Variants in HSF2 observed in about 807,000 individuals in gnomAD.
HSF2 encodes heat shock factor protein 2.
A neutral mutation model predicts 65.0 loss-of-function variants in HSF2; 21 were observed. The observed-to-expected ratio is 0.32, with a 90% confidence interval of 0.23 to 0.47. The LOEUF (loss-of-function observed/expected upper bound fraction) is 0.47, where lower values mean the gene tolerates loss of function less well. HSF2 is among the 20% of genes least tolerant of loss of function. HSF2 has a pLI of 1.00. For missense variants in HSF2, 499 were observed against 628.1 expected (o/e 0.79, Z 2.20); for synonymous variants, 225 against 219.1 (o/e 1.03, Z -0.24).
chr6:122,403,939 C>T lies in HSF2; in HGVS notation c.93+4109C>T, dbSNP rs942676494. 7.9e-5 allele frequency among the ~76,000 whole-genome samples: 12 copies of T among 152,118 alleles called. No homozygotes were observed. In the East Asian group the frequency reaches 1.2e-3, roughly 15 times the overall value. ...GTTATATAGTAAAAAACAGCCTTTA[C>T]GAGTTAATGAAATGTTACAACCAAC... On this transcript the variant is annotated intron_variant, in intron 1 of 12. Transcript: ENST00000368455.
chr6:122,403,704 AT>A (rs563217852), intron 1 of HSF2, among the ~76,000 whole-genome samples: 10 of 152,020 alleles, frequency 6.6e-5, no homozygotes, highest in African/African-American at 1.9e-4. Flanking sequence ...AAAAGTTTTC[AT>A]TTTTTTTAAC....
At chr6:122,399,646 G>C (rs1407286707), upstream of HSF2, 2 of 1,041,586 alleles carry the variant, frequency 1.9e-6, no homozygotes, top group Non-Finnish European at 2.9e-6. Flanking sequence ...CGCCTGCGTT[G>C]TGGGCGTTCT....
chr6:122,399,708 A>C lies in HSF2; in HGVS notation c.-30A>C, dbSNP rs991842757. The C allele has an allele frequency of 1.3e-6, 2 of 1,591,132 alleles. No homozygotes were observed. The highest frequency in any genetic ancestry group is 1.7e-6 in the Non-Finnish European group (2 of 1,163,702). ...CGCCGCTACCACCGCGTTCGGGTGT[A>C]GAATTTGGAATCCCTGCGCCGCGTT... On this transcript the variant is annotated 5_prime_UTR_variant, in exon 1 of 13. Transcript: ENST00000368455.
At chr6:122,429,018 G>C (rs80303143) in intron 11 of HSF2, among the ~76,000 whole-genome samples, 142 of 152,180 alleles carry the variant, frequency 9.3e-4, no homozygotes, top group Admixed American at 1.2e-3. Context: ...TTCTGCAATT[G>C]TAATGTGAAA....
chr6:122,419,419 T>C (rs1008627439), intron 6 of HSF2, among the ~76,000 whole-genome samples, 190 bp downstream of exon 6: 7 of 152,196 alleles, frequency 4.6e-5, no homozygotes, highest in Admixed American at 1.3e-4. Flanking sequence ...TGCTGATGTT[T>C]GTGAGAGATA....
intron 11 of HSF2, 86 bp from the exon 12 acceptor site, chr6:122,431,344 G>A (rs1774461333): frequency 1.9e-6 from 1 of 531,400 alleles, no homozygotes; most frequent in Admixed American, 3.9e-5. Context: ...TAATATACCA[G>A]TATTTACATA....
chr6:122,431,560 T>C, intron 12 of HSF2, 46 bp downstream of exon 12: 1 of 1,109,424 alleles, frequency 9.0e-7, no homozygotes, highest in Non-Finnish European at 1.3e-6. Flanking sequence ...TTTTTAATCC[T>C]ATGCAGAAAC....
At position 122,412,676 on chromosome 6, in the gene HSF2, T is replaced by C; in HGVS notation, c.242T>C (p.Val81Ala). The C allele has an allele frequency of 6.2e-7, 1 of 1,612,588 alleles. No homozygotes were observed. ...RKVVHIDSGI[V>A]KQERDGPVEF... The stretch of plus-strand genomic sequence containing the variant: ...GTAGTACATATCGACTCTGGAATTG[T>C]AAAGCAAGAAAGAGATGGTCCTGTA... Residue 81 changes from valine to alanine, a missense_variant, in exon 3 of 13, where the codon GTA becomes GCA. By Grantham distance (64) the Val-to-Ala change is moderately conservative. This residue lies in a region of HSF2 where 150 missense variants were observed against 234.6 expected (regional missense o/e 0.64). Transcript: ENST00000368455.
At position 122,399,677 on chromosome 6, in the gene HSF2, TGCC is replaced by T; in HGVS notation, c.-52_-50del. ...GTTCTCGGGGAGCTGCTGCCGTAGC[TGCC>T]GCCGCCGCTACCACCGCGTTCGGGT... On this transcript the variant is annotated 5_prime_UTR_variant, in exon 1 of 13. Coordinates refer to ENST00000368455, the MANE Select transcript of HSF2 (RefSeq NM_004506.4). 18 of 1,426,470 alleles carry T rather than the reference TGCC, an allele frequency of 1.3e-5. No homozygotes were observed. Among genetic ancestry groups the T allele is most frequent in the Middle Eastern group, 1.8e-4 (1 of 5,636 alleles). 88.4% of individuals were successfully genotyped at this position (1,426,470 alleles called of 1,614,324 possible).
intron 1 of HSF2, among the ~76,000 whole-genome samples, chr6:122,411,476 T>C (rs906999440): frequency 2.0e-5 from 3 of 151,978 alleles, no homozygotes; most frequent in African/African-American, 4.8e-5. Flanking sequence ...ATTTTTGCTT[T>C]TGTTGCCTGT....
intron 1 of HSF2, 64 bp from the exon 2 acceptor site, chr6:122,412,309 T>TA (rs1774016287): frequency 9.6e-6 from 9 of 932,658 alleles, no homozygotes; most frequent in Non-Finnish European, 1.6e-5. Flanking sequence ...GATGTATAAA[T>TA]ATATCACCAT....
chr6:122,422,932 A>T lies in HSF2; in HGVS notation c.1045A>T (p.Asn349Tyr). Residue 349 changes from asparagine (N) to tyrosine (Y), a missense_variant, in exon 9 of 13, where the codon AAT becomes TAT. By Grantham distance (143) the Asn-to-Tyr change is moderately radical (BLOSUM62 -2). Transcript: ENST00000368455. ...DPVTMMDSIL[N>Y]DNINLLGKVE... ...AGTGACCATGATGGATTCCATTTTG[A>T]ATGATAACATCAATCTTTTGGGAAA... 6.2e-7 allele frequency: 1 copy of T among 1,613,534 alleles called. No individual in the cohort carries two copies.
chr6:122,412,513 A>G (rs768195882), intron 2 of HSF2, 32 bp downstream of exon 2: 2 of 1,535,736 alleles, frequency 1.3e-6, no homozygotes, highest in East Asian at 2.3e-5. Flanking sequence ...TTGGAGTACC[A>G]TTATCAGCTA....
intron 5 of HSF2, 46 bp downstream of exon 5, chr6:122,416,342 G>A: frequency 1.5e-6 from 2 of 1,327,802 alleles, no homozygotes; most frequent in East Asian, 4.6e-5. Context: ...TTTGTTTAAT[G>A]AGTACTGTTT....
At chr6:122,414,296 C>G (rs1774073387) in intron 4 of HSF2, among the ~76,000 whole-genome samples, 1 of 152,098 alleles carries the variant, frequency 6.6e-6, no homozygotes, top group Admixed American at 6.6e-5. Flanking sequence ...TAGTAAGTAG[C>G]TGGAATTTTT....
At position 122,419,447 on chromosome 6, in the gene HSF2, C is replaced by G. The variant is rs138341577; in HGVS notation, c.593+218C>G. On this transcript the variant is annotated intron_variant, in intron 6 of 12. Transcript: ENST00000368455. ...GAGAGATAAGGGTAGCCTAAATGGT[C>G]ACTTTATAGACATACATACAGTTAA... Among the ~76,000 whole-genome samples the G allele has an allele frequency of 3.0e-3, 451 of 152,206 alleles. 2 individuals are homozygous for G. The highest frequency in any genetic ancestry group is 0.011 in the African/African-American group (439 of 41,542).
At chr6:122,407,778 T>C (rs1429099075) in intron 1 of HSF2, among the ~76,000 whole-genome samples, 2 of 151,810 alleles carry the variant, frequency 1.3e-5, no homozygotes, top group Non-Finnish European at 2.9e-5. Context: ...GTAGATATTG[T>C]CTTAATCAGT....
At chr6:122,409,545 C>T (rs563316950) in intron 1 of HSF2, among the ~76,000 whole-genome samples, 25 of 152,052 alleles carry the variant, frequency 1.6e-4, no homozygotes, top group African/African-American at 4.6e-4. Flanking sequence ...TAGGAAAAGA[C>T]GTATGCATTT....
chr6:122,405,140 G>T (rs1773839290), intron 1 of HSF2, among the ~76,000 whole-genome samples: 1 of 151,702 alleles, frequency 6.6e-6, no homozygotes, highest in Non-Finnish European at 1.5e-5. Flanking sequence ...GCAAATACAA[G>T]CTGGGTATGG....
Sources: allele counts gnomAD v4.1 joint callset (sites outside exome capture counted in the v4.1 genomes callset), GRCh38; gene constraint gnomAD v4.1.1; regional missense constraint gnomAD v4.1.1; transcripts MANE v1.5; gene names NCBI Gene and HGNC (gene_info 2026-07-23, HGNC 2026-07-21).